Variants in PHKB observed in about 807,000 individuals in gnomAD.
The protein encoded by PHKB is phosphorylase b kinase regulatory subunit beta.
Under a neutral mutation model 152.1 loss-of-function variants are expected in PHKB, and 122 were observed. The observed-to-expected ratio is 0.80, with a 90% CI of 0.69 to 0.93. The LOEUF is 0.93. Among genes scored for constraint, PHKB ranks in the 40% least tolerant of loss-of-function variants. The probability of loss-of-function intolerance (pLI) is 0.00; values close to 1 mark genes in which losing one functional copy is unlikely to be tolerated. For synonymous variants in PHKB, 436 were observed against 464.9 expected (o/e 0.94, Z 0.80); for missense variants, 1,304 against 1,328.4 (o/e 0.98, Z 0.29).
Position 47,525,802 on chromosome 16 carries a change from C to T in PHKB, c.594+10201C>T, listed in dbSNP as rs545972999. Among the ~76,000 whole-genome samples, 5 of 152,306 alleles carry T rather than the reference C, an allele frequency of 3.3e-5. No individual in the cohort carries two copies. The South Asian group carries it at 1.0e-3, about 32-fold the overall frequency. On this transcript the variant is annotated intron_variant, in intron 6 of 30. Transcript: ENST00000323584. ...TGTGAATGAAAGCCCCCATGTAGGG[C>T]TACACAGGGAGTTGTACCAGAGGAC...
At chr16:47,680,017 T>C (rs1277462717) in intron 26 of PHKB, among the ~76,000 whole-genome samples, 1 of 152,240 alleles carries the variant, frequency 6.6e-6, no homozygotes, top group Non-Finnish European at 1.5e-5. Flanking sequence ...TCTGCATCTA[T>C]TCAGATAATC....
intron 28 of PHKB, among the ~76,000 whole-genome samples, chr16:47,694,561 C>T (rs943112653): frequency 2.0e-5 from 3 of 152,126 alleles, no homozygotes; most frequent in African/African-American, 7.2e-5. Context: ...AGTCTGAATG[C>T]TGTGAATATA....
chr16:47,691,744 A>G (rs1974064456), intron 27 of PHKB, among the ~76,000 whole-genome samples: 1 of 152,126 alleles, frequency 6.6e-6, no homozygotes, highest in African/African-American at 2.4e-5. Context: ...AGTAAAGAGT[A>G]TACAGGAACT....
At chr16:47,643,581 G>A (rs1973063841) in intron 16 of PHKB, among the ~76,000 whole-genome samples, 1 of 152,152 alleles carries the variant, frequency 6.6e-6, no homozygotes, top group Non-Finnish European at 1.5e-5. Context: ...ATTGTTTTTT[G>A]GTTGTAGCTG....
At chr16:47,641,235 C>G (rs1372768982) in intron 15 of PHKB, 145 bp downstream of exon 15, 4 of 723,794 alleles carry the variant, frequency 5.5e-6, no homozygotes, top group Non-Finnish European at 9.8e-6. Context: ...TCATTAATAT[C>G]ACTTTAAATG....
At chr16:47,609,628 A>T (rs377276491) in intron 13 of PHKB, among the ~76,000 whole-genome samples, 1 of 151,648 alleles carries the variant, frequency 6.6e-6, no homozygotes, top group Non-Finnish European at 1.5e-5. Flanking sequence ...TAGATTTTCT[A>T]TTCCTTCTTG....
upstream of PHKB, chr16:47,461,312 G>C: frequency 6.6e-7 from 1 of 1,525,944 alleles, no homozygotes; most frequent in South Asian, 1.2e-5. Context: ...GCTGACAGGC[G>C]GCCCCGGGGG....
chr16:47,667,459 A>G (rs1234239757), intron 25 of PHKB, among the ~76,000 whole-genome samples: 1 of 151,786 alleles, frequency 6.6e-6, no homozygotes, highest in Non-Finnish European at 1.5e-5. Flanking sequence ...AAATACAAAA[A>G]CTCCTAAGAA....
At chr16:47,534,542 T>C (rs891319640) in intron 6 of PHKB, among the ~76,000 whole-genome samples, 2 of 152,164 alleles carry the variant, frequency 1.3e-5, no homozygotes. Context: ...AAATAACCTT[T>C]AGGCAAGAAC....
chr16:47,596,428 A>G lies in PHKB; in HGVS notation c.1260A>G (p.Glu420=). The change falls in exon 13 of 31, where the codon GAA becomes GAG. Residue 420 remains glutamate (E), a synonymous_variant. Coordinates refer to ENST00000323584, the MANE Select transcript of PHKB (RefSeq NM_000293.3). ...YYVPADFVEY[E]KNNPGSQKRF... is the part of the protein sequence containing the mutation. ...TGCCAGCTGACTTTGTAGAATATGA[A>G]AAAAATAACCCTGGTAGTCAAAAAC... 6.2e-7 allele frequency: 1 copy of G among 1,612,822 alleles called. No homozygotes were observed. The highest frequency in any genetic ancestry group is 1.1e-5 in the South Asian group (1 of 91,056).
At chr16:47,562,010 G>A (rs935191998) in intron 7 of PHKB, 1 of 152,162 alleles carries the variant, frequency 6.6e-6, no homozygotes, top group African/African-American at 2.4e-5. Context: ...TGTGAGAGAA[G>A]CTCCAAAGAG....
At chr16:47,545,113 T>C (rs1234065687) in intron 6 of PHKB, among the ~76,000 whole-genome samples, 6 of 152,248 alleles carry the variant, frequency 3.9e-5, no homozygotes, top group African/African-American at 1.4e-4. Context: ...AATATTGTTA[T>C]GTGTGAATTT....
chr16:47,523,764 T>C (rs530816170), intron 6 of PHKB, among the ~76,000 whole-genome samples: 1 of 152,324 alleles, frequency 6.6e-6, no homozygotes, highest in Middle Eastern at 3.4e-3. Context: ...CAACTGATTA[T>C]TTCCTTTATA....
rs144689991 is a variant in PHKB, at chr16:47,693,464, G to T, written c.2852G>T (p.Arg951Leu). 9.3e-6 allele frequency: 15 copies of T among 1,613,970 alleles called. No homozygotes were observed. The African/African-American group carries it at 2.0e-4, about 22-fold the overall frequency. ...GACCGAGTGTGGCAGATTCTGGAGC[G>T]CACGCCCAATGGGATCATTGTTGCT... ...FYDRVWQILE[R>L]TPNGIIVAGK... Residue 951 changes from arginine (R) to leucine (L), a missense_variant, in exon 28 of 31, where the codon CGC (arginine) becomes CTC (leucine). Coordinates refer to ENST00000323584, the MANE Select transcript of PHKB (RefSeq NM_000293.3).
chr16:47,506,822 A>G (rs1348050007), intron 4 of PHKB, among the ~76,000 whole-genome samples: 2 of 152,268 alleles, frequency 1.3e-5, no homozygotes, highest in Admixed American at 6.5e-5. Flanking sequence ...AGCTAAAAAA[A>G]GAACAAAATT....
At chr16:47,577,874 C>A (rs1008784256) in intron 7 of PHKB, among the ~76,000 whole-genome samples, 2 of 152,108 alleles carry the variant, frequency 1.3e-5, no homozygotes, top group Non-Finnish European at 2.9e-5. Flanking sequence ...CTTCTTGAAT[C>A]TGTAGGTTTA....
chr16:47,481,095 G>GT (rs1567273348), intron 1 of PHKB, among the ~76,000 whole-genome samples: 1 of 152,048 alleles, frequency 6.6e-6, no homozygotes, highest in African/African-American at 2.4e-5. Flanking sequence ...CCCAAGGGTC[G>GT]TGAGTTTGCT....
intron 6 of PHKB, among the ~76,000 whole-genome samples, chr16:47,528,705 T>TA (rs1970808708): frequency 6.6e-6 from 1 of 150,548 alleles, no homozygotes; most frequent in Non-Finnish European, 1.5e-5. Context: ...TCTTTTTTTT[T>TA]TTTTTTTTAT....
At chr16:47,674,835 A>G (rs1973698557) in intron 26 of PHKB, among the ~76,000 whole-genome samples, 1 of 152,206 alleles carries the variant, frequency 6.6e-6, no homozygotes, top group Non-Finnish European at 1.5e-5. Flanking sequence ...CAAATGGTAG[A>G]CAGTTGCCGT....
Sources: gnomAD v4.1 joint callset for allele counts (sites outside exome capture counted in the v4.1 genomes callset) on GRCh38, gnomAD v4.1.1 for gene constraint, MANE v1.5 for transcripts, NCBI Gene and HGNC (gene_info 2026-07-23, HGNC 2026-07-21) for gene names.